The following NPLOC4 variants were observed in gnomAD, a reference collection of about 807,000 sequenced individuals.
NPLOC4 encodes the protein nuclear protein localization protein 4 homolog.
Under a neutral mutation model 80.6 loss-of-function variants are expected in NPLOC4, and 18 were observed. That is an observed-to-expected ratio of 0.22 (90% CI 0.15 to 0.33). The LOEUF is 0.33. Ranked by LOEUF, NPLOC4 falls within the 10% of genes least tolerant of loss-of-function variation. The pLI is 1.00. For synonymous variants in NPLOC4, 313 were observed against 301.5 expected (o/e 1.04, Z -0.39); for missense variants, 540 against 786.1 (o/e 0.69, Z 3.74).
At chr17:81,560,964 T>C (rs900996726) in intron 16 of NPLOC4, 1 of 152,160 alleles carries the variant, frequency 6.6e-6, no homozygotes, top group Non-Finnish European at 1.5e-5. Flanking sequence ...CTAATGATAG[T>C]GACTGTTCCT....
At chr17:81,634,842 CA>C (rs2036025027) in intron 1 of NPLOC4, among the ~76,000 whole-genome samples, 1 of 151,976 alleles carries the variant, frequency 6.6e-6, no homozygotes, top group Non-Finnish European at 1.5e-5. Flanking sequence ...CTCGGCCTCC[CA>C]AAGTGCTGGG....
chr17:81,603,012 C>T (rs62074675), intron 8 of NPLOC4, among the ~76,000 whole-genome samples: 21,518 of 135,994 alleles, frequency 0.16, 1,831 homozygotes, highest in Admixed American at 0.25. Context: ...CACACACACA[C>T]ACATATAAAA....
At chr17:81,607,072 T>C (rs1022594507) in intron 6 of NPLOC4, among the ~76,000 whole-genome samples, 4 of 152,284 alleles carry the variant, frequency 2.6e-5, no homozygotes, top group Admixed American at 1.3e-4. Context: ...AACTGTGGTG[T>C]TTTTTACCAT....
intron 14 of NPLOC4, chr17:81,568,120 G>T (rs2034062260): frequency 6.8e-6 from 1 of 148,120 alleles, no homozygotes. Context: ...GACTCAGACA[G>T]AGACACAAAC....
At chr17:81,617,240 G>C (rs1031208946) in intron 3 of NPLOC4, among the ~76,000 whole-genome samples, 1 of 151,992 alleles carries the variant, frequency 6.6e-6, no homozygotes, top group Non-Finnish European at 1.5e-5. Context: ...GAAGCCAACA[G>C]ACAGATTTAG....
Position 81,559,073 on chromosome 17 carries a change from G to A in NPLOC4, c.*186C>T. On this transcript the variant is annotated 3_prime_UTR_variant, in exon 17 of 17. Transcript: ENST00000331134. ...ATTCAGCCTGCAGAATACCAGCCGT[G>A]GCGCCCGCTCTCCAGGGAGGAACGT... 1 of 626,902 alleles carries A rather than the reference G, an allele frequency of 1.6e-6. No individual in the cohort carries two copies. The highest frequency in any genetic ancestry group is 2.1e-5 in the South Asian group (1 of 47,464). The allele number at this position is 626,902 out of a possible 1,614,324, so 38.8% of individuals were successfully genotyped here.
At chr17:81,582,993 C>T (rs1324092617) in intron 12 of NPLOC4, among the ~76,000 whole-genome samples, 2 of 152,270 alleles carry the variant, frequency 1.3e-5, no homozygotes, top group South Asian at 2.1e-4. Context: ...GCCGCCCCTG[C>T]GCACTCACAA....
intron 1 of NPLOC4, among the ~76,000 whole-genome samples, 174 bp downstream of exon 1, chr17:81,636,742 C>T (rs1261670668): frequency 2.0e-5 from 3 of 151,962 alleles, no homozygotes; most frequent in Non-Finnish European, 4.4e-5. Context: ...GGGAAGCAGC[C>T]GAGGGGGGTG....
At chr17:81,611,896 C>A (rs923134086) in intron 4 of NPLOC4, among the ~76,000 whole-genome samples, 4 of 147,916 alleles carry the variant, frequency 2.7e-5, no homozygotes, top group Admixed American at 2.0e-4. Context: ...GGGGACGCAG[C>A]TGGCAGTGAG....
At chr17:81,597,029 C>T (rs558624395) in intron 10 of NPLOC4, among the ~76,000 whole-genome samples, 2 of 152,246 alleles carry the variant, frequency 1.3e-5, no homozygotes, top group South Asian at 2.1e-4. Flanking sequence ...AGGAGAATGG[C>T]GTGAACCCGG....
At chr17:81,614,051 T>C (rs905349315) in intron 3 of NPLOC4, among the ~76,000 whole-genome samples, 1 of 151,906 alleles carries the variant, frequency 6.6e-6, no homozygotes, top group Non-Finnish European at 1.5e-5. Context: ...CTGAGGCAGA[T>C]GGATCACAAG....
At chr17:81,616,991 C>G (rs1472115991) in intron 3 of NPLOC4, among the ~76,000 whole-genome samples, 2 of 152,208 alleles carry the variant, frequency 1.3e-5, no homozygotes, top group Non-Finnish European at 2.9e-5. Context: ...CTCCTGCAGG[C>G]AGCTAGACCG....
chr17:81,587,001 G>A (rs1466657545), intron 12 of NPLOC4, among the ~76,000 whole-genome samples: 1 of 152,176 alleles, frequency 6.6e-6, no homozygotes, highest in East Asian at 1.9e-4. Context: ...GATACACAAT[G>A]AGCAGCACAC....
chr17:81,581,785 G>T (rs2034447372), intron 12 of NPLOC4, among the ~76,000 whole-genome samples: 1 of 152,248 alleles, frequency 6.6e-6, no homozygotes, highest in Non-Finnish European at 1.5e-5. Context: ...AGGACTGGAG[G>T]CTGTGTGATC....
intron 11 of NPLOC4, among the ~76,000 whole-genome samples, chr17:81,591,101 C>T (rs904973354): frequency 2.0e-5 from 3 of 152,070 alleles, no homozygotes; most frequent in African/African-American, 4.8e-5. Context: ...GACAGAGCGC[C>T]GGGGAGCCAC....
chr17:81,582,667 T>C (rs2144110201), intron 12 of NPLOC4, among the ~76,000 whole-genome samples: 1 of 152,328 alleles, frequency 6.6e-6, no homozygotes, highest in South Asian at 2.1e-4. Flanking sequence ...CCTTCCAAAG[T>C]GCTGGGATTA....
Position 81,620,528 on chromosome 17 carries a change from G to A in NPLOC4, c.209+1638C>T, listed in dbSNP as rs146520567. Among the ~76,000 whole-genome samples, 24 of 152,154 alleles carry A rather than the reference G, an allele frequency of 1.6e-4. No individual in the cohort carries two copies. In the East Asian group the frequency reaches 4.1e-3, roughly 26 times the overall value. ...ATAAATAAATAAAAAAATGCAAACC[G>A]GTGATTACTGTTAGGGAAGCTTCTG... On this transcript the variant is annotated intron_variant, in intron 3 of 16. Transcript: ENST00000331134.
At chr17:81,626,079 G>A (rs2035787154) in intron 2 of NPLOC4, among the ~76,000 whole-genome samples, 1 of 151,092 alleles carries the variant, frequency 6.6e-6, no homozygotes, top group African/African-American at 2.4e-5. Flanking sequence ...AACCTGGGAG[G>A]TGGAGGTTGC....
intron 2 of NPLOC4, among the ~76,000 whole-genome samples, chr17:81,627,063 T>C (rs1346792833): frequency 1.4e-5 from 2 of 146,408 alleles, no homozygotes; most frequent in Non-Finnish European, 3.0e-5. Flanking sequence ...GCACTCCAGC[T>C]TGGGCGACAC....
Sources: allele counts gnomAD v4.1 joint callset (sites outside exome capture counted in the v4.1 genomes callset), GRCh38; gene constraint gnomAD v4.1.1; transcripts MANE v1.5; gene names NCBI Gene and HGNC (gene_info 2026-07-23, HGNC 2026-07-21).